The following ARMC1 variants were observed in gnomAD, a reference collection of about 807,000 sequenced individuals.
The protein encoded by ARMC1 is armadillo repeat-containing protein 1.
Under a neutral mutation model 31.4 loss-of-function variants are expected in ARMC1, and 16 were observed. That is an observed-to-expected ratio of 0.51 (90% CI 0.34 to 0.77). ARMC1 has a LOEUF of 0.77. Ranked by LOEUF, ARMC1 falls within the 30% of genes least tolerant of loss-of-function variation. The pLI, the probability that ARMC1 is intolerant of heterozygous loss-of-function variation, is 0.01. For synonymous variants in ARMC1, 114 were observed against 118.9 expected (o/e 0.96, Z 0.27); for missense variants, 259 against 347.5 (o/e 0.75, Z 2.02).
rs1438938499 is a variant in ARMC1, at chr8:65,605,257, T to A, written c.657+6A>T. ...GGATATAAAGAAAATTAAACACAAC[T>A]TTTACCTCTTCTCCACTTTCACTTT... is the stretch of plus-strand genomic sequence containing the variant. On this transcript the variant is annotated splice_donor_region_variant and intron_variant, in intron 6 of 6. Transcript: ENST00000276569. The A allele has an allele frequency of 1.2e-6, 2 of 1,608,858 alleles. No homozygotes were observed. The highest frequency in any genetic ancestry group is 2.2e-5 in the South Asian group (2 of 89,796).
intron 4 of ARMC1, among the ~76,000 whole-genome samples, chr8:65,612,243 G>A (rs1195748515): frequency 6.6e-6 from 1 of 152,086 alleles, no homozygotes; most frequent in Non-Finnish European, 1.5e-5. Flanking sequence ...AGGAGGATTG[G>A]TTGAGGCCAG....
intron 1 of ARMC1, among the ~76,000 whole-genome samples, chr8:65,632,577 C>T (rs1229074254): frequency 6.6e-6 from 1 of 150,722 alleles, no homozygotes; most frequent in Non-Finnish European, 1.5e-5. Context: ...TGTGCCACTG[C>T]ACTCCAGCCT....
At chr8:65,613,120 C>T (rs1309645910) in intron 4 of ARMC1, 124 bp downstream of exon 4, 1 of 714,080 alleles carries the variant, frequency 1.4e-6, no homozygotes, top group Non-Finnish European at 2.1e-6. Flanking sequence ...CTCTTTAGCA[C>T]AAAATGACCC....
At chr8:65,630,813 C>T (rs1209356296) in intron 1 of ARMC1, among the ~76,000 whole-genome samples, 4 of 105,214 alleles carry the variant, frequency 3.8e-5, no homozygotes, top group Admixed American at 9.3e-5. Flanking sequence ...TGCCAGACTC[C>T]GTCTAAAAAA....
intron 4 of ARMC1, among the ~76,000 whole-genome samples, chr8:65,611,563 T>C (rs1808141232): frequency 6.6e-6 from 1 of 152,014 alleles, no homozygotes; most frequent in South Asian, 2.1e-4. Context: ...AACCTTGAAC[T>C]CTTGGGATCC....
intron 1 of ARMC1, among the ~76,000 whole-genome samples, chr8:65,629,814 A>T (rs991493169): frequency 6.6e-6 from 1 of 150,796 alleles, no homozygotes; most frequent in Non-Finnish European, 1.5e-5. Context: ...AAAAAAAAAA[A>T]AAAATCAAAA....
intron 2 of ARMC1, among the ~76,000 whole-genome samples, chr8:65,625,991 G>A (rs928943268): frequency 6.6e-5 from 10 of 151,314 alleles, no homozygotes; most frequent in African/African-American, 2.4e-4. Flanking sequence ...TGGGTTCAAG[G>A]GATTCTCCTG....
At position 65,604,590 on chromosome 8, in the gene ARMC1, T is replaced by G. The variant is rs1807962479; in HGVS notation, c.658-5A>C. 1.2e-6 allele frequency: 2 copies of G among 1,610,964 alleles called. No homozygotes were observed. Among genetic ancestry groups the G allele is most frequent in the Non-Finnish European group, 1.7e-6 (2 of 1,178,386 alleles). ...ATCTTGGAATGGGACCAACATCTGA[T>G]ACAGAAAATATTGAGAGTTATTACA... On this transcript the variant is annotated splice_region_variant and splice_polypyrimidine_tract_variant and intron_variant, in intron 6 of 6. Coordinates refer to ENST00000276569, the MANE Select transcript of ARMC1 (RefSeq NM_018120.6).
intron 2 of ARMC1, among the ~76,000 whole-genome samples, chr8:65,625,472 C>T (rs560826097): frequency 6.6e-6 from 1 of 152,318 alleles, no homozygotes; most frequent in African/African-American, 2.4e-5. Context: ...CTATTTTCTG[C>T]AATTATGAGA....
At position 65,604,421 on chromosome 8, in the gene ARMC1, G is replaced by A. The variant is rs759248455; in HGVS notation, c.822C>T (p.Asn274=). Residue 274 remains asparagine (N), a synonymous_variant, in exon 7 of 7, where the codon AAC becomes AAT. Coordinates refer to ENST00000276569, the MANE Select transcript of ARMC1 (RefSeq NM_018120.6). Reference sequence around the variant, plus strand: ...ACCAATAAAATGATCTGGATAAAAAGTTTGCAGCTGTGCTAAGCCAGCTAG... The same window carrying A: ...ACCAATAAAATGATCTGGATAAAAAATTTGCAGCTGTGCTAAGCCAGCTAG... ...GGASWLSTAA[N]FLSRSFYW 6.2e-7 allele frequency: 1 copy of A among 1,614,104 alleles called. No homozygotes were observed. The highest frequency in any genetic ancestry group is 1.7e-5 in the Admixed American group (1 of 59,996).
intron 3 of ARMC1, among the ~76,000 whole-genome samples, chr8:65,615,432 C>G (rs1043844500): frequency 6.7e-6 from 1 of 148,234 alleles, no homozygotes; most frequent in Non-Finnish European, 1.5e-5. Context: ...GGGCCGGGTA[C>G]AGTGGCTCAT....
intron 3 of ARMC1, among the ~76,000 whole-genome samples, chr8:65,620,057 G>C (rs920754359): frequency 6.6e-6 from 1 of 151,164 alleles, no homozygotes; most frequent in Non-Finnish European, 1.5e-5. Flanking sequence ...AGGATTACTT[G>C]AGCCCATGAG....
At chr8:65,616,414 C>T (rs1417269452) in intron 3 of ARMC1, among the ~76,000 whole-genome samples, 2 of 152,384 alleles carry the variant, frequency 1.3e-5, no homozygotes, top group South Asian at 2.1e-4. Flanking sequence ...GGATGGCAGA[C>T]GGAGTCTGGT....
chr8:65,615,026 G>A (rs1808220439), intron 3 of ARMC1, among the ~76,000 whole-genome samples: 1 of 150,434 alleles, frequency 6.6e-6, no homozygotes, highest in Non-Finnish European at 1.5e-5. Flanking sequence ...TAACAAAAAT[G>A]TTTGCAAGTT....
intron 4 of ARMC1, among the ~76,000 whole-genome samples, chr8:65,609,607 C>T (rs1274358700): frequency 6.6e-6 from 1 of 152,116 alleles, no homozygotes; most frequent in Non-Finnish European, 1.5e-5. Context: ...CGCCTGTAAT[C>T]CCAACACTTT....
At chr8:65,616,665 C>T (rs1301020266) in intron 3 of ARMC1, among the ~76,000 whole-genome samples, 1 of 146,164 alleles carries the variant, frequency 6.8e-6, no homozygotes, top group South Asian at 2.2e-4. Context: ...TCTTCCCGGC[C>T]GCCATCACGT....
chr8:65,630,582 G>T (rs532952136), intron 1 of ARMC1, among the ~76,000 whole-genome samples: 1 of 152,322 alleles, frequency 6.6e-6, no homozygotes, highest in Non-Finnish European at 1.5e-5. Context: ...ACTTTGGGAG[G>T]CCAATGCAGC....
chr8:65,618,014 C>A (rs1808311112), intron 3 of ARMC1, among the ~76,000 whole-genome samples: 1 of 152,028 alleles, frequency 6.6e-6, no homozygotes, highest in Admixed American at 6.5e-5. Flanking sequence ...CTCCCGGGTT[C>A]AAGCGATTTT....
intron 3 of ARMC1, among the ~76,000 whole-genome samples, chr8:65,616,982 G>A (rs377215712): frequency 1.5e-4 from 22 of 150,738 alleles, no homozygotes; most frequent in East Asian, 4.0e-4. Flanking sequence ...CCCGGCAGCC[G>A]CCCCATCCAG....
Sources: allele counts gnomAD v4.1 joint callset (sites outside exome capture counted in the v4.1 genomes callset), GRCh38; gene constraint gnomAD v4.1.1; transcripts MANE v1.5; gene names NCBI Gene and HGNC (gene_info 2026-07-23, HGNC 2026-07-21).